Variants in LRRC37A3 observed in about 807,000 individuals in gnomAD.
LRRC37A3 encodes leucine rich repeat containing 37 member A3, also known as leucine-rich repeat-containing protein 37A3.
Under a neutral mutation model 106.2 loss-of-function variants are expected in LRRC37A3, and 25 were observed. That is an observed-to-expected ratio of 0.24 (90% CI 0.17 to 0.33). The LOEUF (loss-of-function observed/expected upper bound fraction) is 0.33, where lower values mean the gene tolerates loss of function less well. LRRC37A3 is among the 10% of genes least tolerant of loss of function. The pLI is 1.00. For synonymous variants in LRRC37A3, 305 were observed against 635.8 expected (o/e 0.48, Z 7.83); for missense variants, 712 against 1,644.9 (o/e 0.43, Z 9.81).
At chr17:64,877,947 A>T (rs1973570882) in intron 8 of LRRC37A3, among the ~76,000 whole-genome samples, 2 of 152,162 alleles carry the variant, frequency 1.3e-5, no homozygotes, top group Admixed American at 6.5e-5. Flanking sequence ...ACAACTGAAC[A>T]TCTATGTGCA....
At chr17:64,913,337 GTTT>G (rs945846426) in intron 2 of LRRC37A3, among the ~76,000 whole-genome samples, 7 of 103,764 alleles carry the variant, frequency 6.7e-5, no homozygotes, top group African/African-American at 2.1e-4. Context: ...CCTATTTTGG[GTTT>G]TTTTTTTTTT....
Position 64,858,883 on chromosome 17 carries a change from AC to A in LRRC37A3, c.4705-1del. ...CCATATCCTGGAAGTTCTTTTGTGA[AC>A]TAAAAAAAAAAAAACCAGAATGAGA... is the stretch of plus-strand genomic sequence containing the variant. On this transcript the variant is annotated splice_acceptor_variant, in intron 12 of 14. Coordinates refer to ENST00000584306, the MANE Select transcript of LRRC37A3 (RefSeq NM_199340.5). LOFTEE classifies it high-confidence loss of function. 1.3e-6 allele frequency: 2 copies of A among 1,595,252 alleles called. No individual in the cohort carries two copies. Among genetic ancestry groups the A allele is most frequent in the Admixed American group, 1.7e-5 (1 of 57,848 alleles).
intron 13 of LRRC37A3, among the ~76,000 whole-genome samples, chr17:64,857,878 T>A (rs1326711513): frequency 6.6e-6 from 1 of 152,146 alleles, no homozygotes; most frequent in Admixed American, 6.6e-5. Context: ...GCTGCCACAA[T>A]CATGGAAATG....
Position 64,860,222 on chromosome 17 carries a change from G to T in LRRC37A3, c.3924C>A (p.His1308Gln), listed in dbSNP as rs148835942. Residue 1308 changes from histidine to glutamine, a missense_variant, in exon 12 of 15, where the codon CAC becomes CAA. Coordinates refer to ENST00000584306, the MANE Select transcript of LRRC37A3 (RefSeq NM_199340.5). ...TGTGGGTCATGCGGGAGCGAGTTTT[G>T]TGAAAGCGGTATTTTTTTCTGGAAT... ...IVHSRKKYRF[H>Q]KTRSRMTHRT... 6.2e-7 allele frequency: 1 copy of T among 1,613,956 alleles called. No individual in the cohort carries two copies. Among genetic ancestry groups the T allele is most frequent in the Admixed American group, 1.7e-5 (1 of 60,010 alleles).
At chr17:64,869,238 T>C in intron 8 of LRRC37A3, 72 bp from the exon 9 acceptor site, 1 of 1,597,102 alleles carries the variant, frequency 6.3e-7, no homozygotes, top group Non-Finnish European at 8.5e-7. Flanking sequence ...TTTACATTCA[T>C]TTTTTGGTAT....
chr17:64,869,685 C>T (rs1260958279), intron 8 of LRRC37A3, among the ~76,000 whole-genome samples: 4 of 151,232 alleles, frequency 2.6e-5, no homozygotes, highest in Non-Finnish European at 5.9e-5. Flanking sequence ...GGATTACAGG[C>T]ACCCACCACC....
intron 2 of LRRC37A3, among the ~76,000 whole-genome samples, chr17:64,910,995 A>C (rs190279711): frequency 6.6e-6 from 1 of 152,004 alleles, no homozygotes; most frequent in Non-Finnish European, 1.5e-5. Context: ...AAAATGCATT[A>C]TTTCATTTTA....
At chr17:64,878,801 C>T (rs1442440627) in intron 8 of LRRC37A3, among the ~76,000 whole-genome samples, 1 of 152,128 alleles carries the variant, frequency 6.6e-6, no homozygotes, top group African/African-American at 2.4e-5. Flanking sequence ...ATAAGAGTTG[C>T]CATATGATCT....
In LRRC37A3 at chr17:64,869,931, C is replaced by CG. The variant is rs1973254375; in HGVS notation, c.2907-766_2907-765insC. Among the ~76,000 whole-genome samples the CG allele has an allele frequency of 6.4e-4, 9 of 14,026 alleles. 1 individual carries two copies. The Admixed American group carries it at 7.2e-3, about 11-fold the overall frequency. The allele number at this position is 14,026 out of a possible 152,430, so 9.2% of individuals were successfully genotyped here. A position where few individuals can be genotyped will look rare whatever the true frequency, so the allele number is the denominator to read the frequency against. ...AGGACCAATTATTTTGCTTTATAGC[C>CG]AAAGAAGGAATAAATCTAAGAGGAA... On this transcript the variant is annotated intron_variant, in intron 8 of 14. Transcript: ENST00000584306.
intron 10 of LRRC37A3, chr17:64,863,508 A>G (rs1222233308): frequency 3.1e-5 from 5 of 159,232 alleles, no homozygotes; most frequent in Non-Finnish European, 5.5e-5. Flanking sequence ...GGACAATTTG[A>G]GCATTCAAAA....
intron 2 of LRRC37A3, among the ~76,000 whole-genome samples, chr17:64,916,098 G>A (rs934393454): frequency 1.2e-4 from 18 of 148,662 alleles, no homozygotes; most frequent in African/African-American, 4.5e-4. Flanking sequence ...GTGAAAGAAC[G>A]AGACTCTGTC....
rs780836311 is a variant in LRRC37A3 at position 64,859,921 on chromosome 17, G to C, written c.4225C>G (p.Pro1409Ala). Residue 1409 changes from proline (P) to alanine (A), a missense_variant, in exon 12 of 15, where the codon CCA (proline) becomes GCA (alanine). By Grantham distance (27) the Pro-to-Ala change is conservative. Transcript: ENST00000584306. ...ENVFMENTNM[P>A]EGTISENTNY... ...GTGTTTTCAGAGATGGTTCCTTCTGGCATGTTAGTGTTTTCCATAAAAACA... is the reference window on the plus strand; with the variant it reads ...GTGTTTTCAGAGATGGTTCCTTCTGCCATGTTAGTGTTTTCCATAAAAACA... 11 of 1,613,728 alleles carry C rather than the reference G, an allele frequency of 6.8e-6. No individual in the cohort carries two copies. In the African/African-American group the frequency reaches 1.2e-4, roughly 18 times the overall value.
At chr17:64,874,248 A>G (rs1188802559) in intron 8 of LRRC37A3, among the ~76,000 whole-genome samples, 14 of 152,338 alleles carry the variant, frequency 9.2e-5, no homozygotes, top group African/African-American at 3.1e-4. Flanking sequence ...AAATTTAAAA[A>G]TAACTGGGCA....
rs141465998 is a variant in LRRC37A3, at chr17:64,860,915, C to A, written c.3231G>T (p.Arg1077=). The stretch of plus-strand genomic sequence containing the variant: ...TCAGCTCAGTGCTTGTGTAATTCTT[C>A]CGGGCTTGTAACACCTTCATGAACG... ...EGAFMKVLQA[R]KNYTSTELII... Residue 1077 remains arginine (R), a synonymous_variant, in exon 12 of 15, where the codon CGG becomes CGT. Transcript: ENST00000584306. 3 of 1,614,008 alleles carry A rather than the reference C, an allele frequency of 1.9e-6. No homozygotes were observed. The African/African-American group carries it at 4.0e-5, about 22-fold the overall frequency.
At chr17:64,890,776 G>C (rs1423465989) in intron 5 of LRRC37A3, among the ~76,000 whole-genome samples, 4 of 145,126 alleles carry the variant, frequency 2.8e-5, no homozygotes, top group Non-Finnish European at 5.9e-5. Context: ...AGGTTGCAGT[G>C]AGCCAAGATC....
chr17:64,858,665 A>T, intron 13 of LRRC37A3, 114 bp downstream of exon 13: 1 of 791,914 alleles, frequency 1.3e-6, no homozygotes. Context: ...AAATGACTGA[A>T]GTATGTCAAG....
chr17:64,876,105 AG>A (rs1224639181), intron 8 of LRRC37A3, among the ~76,000 whole-genome samples: 1 of 152,142 alleles, frequency 6.6e-6, no homozygotes, highest in Non-Finnish European at 1.5e-5. Flanking sequence ...CCTGGCCTCA[AG>A]CAATCCTCCT....
chr17:64,878,627 C>T (rs577238547), intron 8 of LRRC37A3, among the ~76,000 whole-genome samples: 12 of 152,184 alleles, frequency 7.9e-5, no homozygotes, highest in East Asian at 1.9e-4. Flanking sequence ...AAAACTGCAG[C>T]GAGATACTAC....
At chr17:64,864,861 C>T (rs564813608) in intron 10 of LRRC37A3, among the ~76,000 whole-genome samples, 40 of 151,978 alleles carry the variant, frequency 2.6e-4, no homozygotes, top group South Asian at 1.0e-3. Flanking sequence ...CTGAGTCCTC[C>T]AAAAGGATGG....
Sources: gnomAD v4.1 joint callset for allele counts (sites outside exome capture counted in the v4.1 genomes callset) on GRCh38, gnomAD v4.1.1 for gene constraint, MANE v1.5 for transcripts, NCBI Gene and HGNC (gene_info 2026-07-23, HGNC 2026-07-21) for gene names.